The following SYT2 variants were observed in gnomAD, a reference collection of about 807,000 sequenced individuals.
SYT2 encodes the protein synaptotagmin-2.
Under a neutral mutation model 39.9 loss-of-function variants are expected in SYT2, and 15 were observed. The ratio of observed to expected loss-of-function variants is 0.38; its 90% CI spans 0.25 to 0.58. SYT2 has a LOEUF of 0.58. Ranked by LOEUF, SYT2 falls within the 20% of genes least tolerant of loss-of-function variation. SYT2 has a pLI of 0.70. For missense variants in SYT2, 389 were observed against 530.3 expected, an observed-to-expected ratio of 0.73 and a Z score of 2.62; for synonymous variants, 181 against 204.5, an observed-to-expected ratio of 0.89 and a Z score of 0.98.
At chr1:202,701,459 A>T (rs192197435) in intron 1 of SYT2, among the ~76,000 whole-genome samples, 64 of 152,376 alleles carry the variant, frequency 4.2e-4, no homozygotes, top group African/African-American at 1.5e-3. Context: ...CACAGAGAAT[A>T]TTAAAAAGAT....
intron 1 of SYT2, among the ~76,000 whole-genome samples, chr1:202,709,579 G>C (rs564635846): frequency 6.6e-6 from 1 of 152,370 alleles, no homozygotes; most frequent in African/African-American, 2.4e-5. Flanking sequence ...TAGCCCTTGG[G>C]GACAGAGCTG....
At chr1:202,662,341 A>G (rs1309826860) in intron 1 of SYT2, among the ~76,000 whole-genome samples, 1 of 152,226 alleles carries the variant, frequency 6.6e-6, no homozygotes, top group Non-Finnish European at 1.5e-5. Context: ...ACACTAATTG[A>G]TCCCCCTGCC....
intron 1 of SYT2, among the ~76,000 whole-genome samples, chr1:202,615,741 A>G (rs1379849452): frequency 6.6e-6 from 1 of 152,076 alleles, no homozygotes; most frequent in Non-Finnish European, 1.5e-5. Context: ...CCCACCAAAC[A>G]GACCCCCATC....
chr1:202,676,897 C>A (rs1653390276), intron 1 of SYT2, among the ~76,000 whole-genome samples: 2 of 152,198 alleles, frequency 1.3e-5, no homozygotes, highest in Admixed American at 1.3e-4. Flanking sequence ...GAAGGAGAGG[C>A]CTGGTGGGAG....
chr1:202,619,723 A>G (rs1691154047), intron 1 of SYT2, among the ~76,000 whole-genome samples: 1 of 152,228 alleles, frequency 6.6e-6, no homozygotes, highest in Non-Finnish European at 1.5e-5. Context: ...CAGAGAGGTC[A>G]AAGTCCAAGC....
At chr1:202,615,721 C>T (rs1320026322) in intron 1 of SYT2, among the ~76,000 whole-genome samples, 1 of 152,204 alleles carries the variant, frequency 6.6e-6, no homozygotes, top group African/African-American at 2.4e-5. Context: ...CTCTTGCCAC[C>T]AGCCACAAAC....
At chr1:202,687,504 G>A (rs1201254854) in intron 1 of SYT2, among the ~76,000 whole-genome samples, 2 of 152,010 alleles carry the variant, frequency 1.3e-5, no homozygotes, top group East Asian at 1.9e-4. Flanking sequence ...ACCTTCAGCT[G>A]AGCGTGACAA....
chr1:202,673,600 T>C (rs1439187545), intron 1 of SYT2, among the ~76,000 whole-genome samples: 2 of 152,172 alleles, frequency 1.3e-5, no homozygotes, highest in African/African-American at 4.8e-5. Context: ...AGGGACACAT[T>C]ACCCAGGGAA....
At chr1:202,662,242 G>A (rs186900165) in intron 1 of SYT2, among the ~76,000 whole-genome samples, 86 of 152,340 alleles carry the variant, frequency 5.6e-4, no homozygotes, top group Middle Eastern at 3.4e-3. Context: ...GCGAGTTGGC[G>A]GCAGAATTGG....
chr1:202,652,513 G>C (rs929896784), intron 1 of SYT2, among the ~76,000 whole-genome samples: 2 of 152,222 alleles, frequency 1.3e-5, no homozygotes, highest in Non-Finnish European at 2.9e-5. Flanking sequence ...TTAGTGCATG[G>C]TGACAGGAGC....
intron 1 of SYT2, among the ~76,000 whole-genome samples, chr1:202,656,758 C>A (rs1368713913): frequency 6.6e-6 from 1 of 152,224 alleles, no homozygotes; most frequent in Non-Finnish European, 1.5e-5. Flanking sequence ...CTGCTTCATG[C>A]AGGAATTCCC....
chr1:202,690,117 C>T (rs1653781241), intron 1 of SYT2, among the ~76,000 whole-genome samples: 1 of 152,108 alleles, frequency 6.6e-6, no homozygotes, highest in African/African-American at 2.4e-5. Flanking sequence ...CCCACTCTGC[C>T]TCCACTCCCC....
rs77505349 is a variant in SYT2, at chr1:202,673,342, C to T, written c.-18+36916G>A. On this transcript the variant is annotated intron_variant, in intron 1 of 8. Coordinates refer to ENST00000367268, the MANE Select transcript of SYT2 (RefSeq NM_177402.5). ...AAAAGGTACGTGAAAATGGACCCAACGATATAATAAAATCATGGGCCTGGA... is the reference window on the plus strand; with the variant it reads ...AAAAGGTACGTGAAAATGGACCCAATGATATAATAAAATCATGGGCCTGGA... Among the ~76,000 whole-genome samples, 396 of 152,212 alleles carry T rather than the reference C, an allele frequency of 2.6e-3. 13 individuals carry two copies. In the East Asian group the frequency reaches 0.069, roughly 27 times the overall value.
At chr1:202,689,665 T>C (rs1653769491) in intron 1 of SYT2, among the ~76,000 whole-genome samples, 1 of 152,236 alleles carries the variant, frequency 6.6e-6, no homozygotes, top group Admixed American at 6.5e-5. Flanking sequence ...CAGGGAACAC[T>C]GTGGGGGAGC....
At chr1:202,616,540 T>C (rs1425346420) in intron 1 of SYT2, among the ~76,000 whole-genome samples, 4 of 152,034 alleles carry the variant, frequency 2.6e-5, no homozygotes, top group African/African-American at 9.7e-5. Flanking sequence ...GCACACATGG[T>C]CCCCATTTCG....
intron 1 of SYT2, among the ~76,000 whole-genome samples, chr1:202,611,768 C>G (rs941489381): frequency 2.1e-4 from 32 of 152,182 alleles, no homozygotes; most frequent in Admixed American, 3.9e-4. Context: ...TCCAAGAAAC[C>G]ATCACTAAAC....
At chr1:202,644,745 T>G (rs771398460) in intron 1 of SYT2, among the ~76,000 whole-genome samples, 1 of 152,046 alleles carries the variant, frequency 6.6e-6, no homozygotes, top group Non-Finnish European at 1.5e-5. Context: ...GGGCAGTCAC[T>G]CAGGGCTTTC....
chr1:202,662,390 C>T (rs993041820), intron 1 of SYT2, among the ~76,000 whole-genome samples: 2 of 152,220 alleles, frequency 1.3e-5, no homozygotes, highest in African/African-American at 4.8e-5. Flanking sequence ...AGAAAGTTAA[C>T]CCTCTAATTA....
intron 1 of SYT2, among the ~76,000 whole-genome samples, chr1:202,669,462 C>T (rs902342240): frequency 6.6e-6 from 1 of 151,818 alleles, no homozygotes; most frequent in African/African-American, 2.4e-5. Flanking sequence ...CCAGTCTGGC[C>T]AAGATGGTAA....
Sources: gnomAD v4.1 joint callset for allele counts (sites outside exome capture counted in the v4.1 genomes callset) on GRCh38, gnomAD v4.1.1 for gene constraint, MANE v1.5 for transcripts, NCBI Gene and HGNC (gene_info 2026-07-23, HGNC 2026-07-21) for gene names.